The following GPR137 variants were observed in gnomAD, a reference collection of about 807,000 sequenced individuals.
GPR137 encodes the protein G protein-coupled receptor 137, also known as integral membrane protein GPR137.
GPR137 carries 20 observed loss-of-function variants against 38.9 expected under a neutral mutation model. The observed-to-expected ratio is 0.51, with a 90% CI of 0.36 to 0.75. The LOEUF (loss-of-function observed/expected upper bound fraction) is 0.75, where lower values mean the gene tolerates loss of function less well. Among genes scored for constraint, GPR137 ranks in the 30% least tolerant of loss-of-function variants. GPR137 has a pLI of 0.00. For missense variants in GPR137, 456 were observed against 526.4 expected, an observed-to-expected ratio of 0.87 and a Z score of 1.31; for synonymous variants, 226 against 235.8, an observed-to-expected ratio of 0.96 and a Z score of 0.38.
In GPR137 at chr11:64,286,481, G is replaced by A; in HGVS notation, c.-44G>A. 6.4e-7 allele frequency: 1 copy of A among 1,571,906 alleles called. No homozygotes were observed. The highest frequency in any genetic ancestry group is 8.6e-7 in the Non-Finnish European group (1 of 1,156,276). On this transcript the variant is annotated 5_prime_UTR_variant, in exon 1 of 7. Coordinates refer to ENST00000438980, the MANE Select transcript of GPR137 (RefSeq NM_001170880.2). ...ATTTATTTCCCTGGTCCCGCCGACAGTCCCTCCTTGTCTGTCTCCGGGATT... is the reference window on the plus strand; with the variant it reads ...ATTTATTTCCCTGGTCCCGCCGACAATCCCTCCTTGTCTGTCTCCGGGATT...
upstream of GPR137, among the ~76,000 whole-genome samples, chr11:64,281,840 C>A (rs2033498059): frequency 6.6e-6 from 1 of 152,246 alleles, no homozygotes; most frequent in Admixed American, 6.5e-5. Context: ...CCTGCCTCAG[C>A]CTCCCGAGTA....
intron 2 of GPR137, 79 bp downstream of exon 2, chr11:64,287,093 C>T: frequency 1.3e-6 from 2 of 1,546,842 alleles, no homozygotes; most frequent in South Asian, 2.3e-5. Context: ...CTTCCCACCT[C>T]TCAGGGCTGA....
At chr11:64,284,309 C>T (rs2033694419), upstream of GPR137, 3 of 1,612,454 alleles carry the variant, frequency 1.9e-6, no homozygotes, top group Non-Finnish European at 2.5e-6. Flanking sequence ...GGCCCAGGCC[C>T]CTCTCTGCAG....
At chr11:64,285,370 C>T, upstream of GPR137, 1 of 985,000 alleles carries the variant, frequency 1.0e-6, no homozygotes, top group Non-Finnish European at 1.2e-6. Context: ...GCCTGGCAGG[C>T]GGCCGGCCAG....
upstream of GPR137, chr11:64,271,968 G>T (rs1205628509): frequency 4.4e-6 from 2 of 451,900 alleles, no homozygotes; most frequent in Middle Eastern, 5.9e-4. Context: ...GTGAATCGAG[G>T]GGAAGCTCAG....
Position 64,286,792 on chromosome 11 carries a change from C to T in GPR137, c.268C>T (p.Leu90=). Residue 90 remains leucine, a synonymous_variant, in exon 1 of 7, where the codon CTG becomes TTG. Coordinates refer to ENST00000438980, the MANE Select transcript of GPR137 (RefSeq NM_001170880.2). ...YFRDTPRANR[L]GPLPFWLLYC... ...CCGAGATACTCCCCGCGCCAACCGC[C>T]TGGGGCCCTTGCCCTTCTGGCTTCT... 2 of 1,607,942 alleles carry T rather than the reference C, an allele frequency of 1.2e-6. No individual in the cohort carries two copies. Among genetic ancestry groups the T allele is most frequent in the Non-Finnish European group, 1.7e-6 (2 of 1,176,100 alleles).
At chr11:64,275,326 C>A (rs2032979839), upstream of GPR137, among the ~76,000 whole-genome samples, 2 of 152,188 alleles carry the variant, frequency 1.3e-5, no homozygotes, top group African/African-American at 4.8e-5. Flanking sequence ...GGCCTGTCTG[C>A]AGAGTAATTT....
chr11:64,284,699 C>G, upstream of GPR137: 1 of 1,535,124 alleles, frequency 6.5e-7, no homozygotes, highest in Non-Finnish European at 8.7e-7. Flanking sequence ...GCTCCGGGCC[C>G]TAGTTGCTTG....
upstream of GPR137, among the ~76,000 whole-genome samples, chr11:64,280,144 C>T (rs1206585010): frequency 2.1e-4 from 31 of 151,198 alleles, no homozygotes; most frequent in Admixed American, 1.6e-3. Flanking sequence ...GGTGAAACCC[C>T]ATCTCTACTA....
upstream of GPR137, among the ~76,000 whole-genome samples, chr11:64,283,871 G>A (rs2033652283): frequency 6.6e-6 from 1 of 152,168 alleles, no homozygotes; most frequent in South Asian, 2.1e-4. Flanking sequence ...CTGGGCTCAA[G>A]CGATCCTCCT....
At chr11:64,287,265 G>A (rs112059337) in intron 2 of GPR137, 2 of 985,266 alleles carry the variant, frequency 2.0e-6, no homozygotes, top group Non-Finnish European at 2.4e-6. Flanking sequence ...CATGGAGGGC[G>A]AGCTGGAGGC....
At chr11:64,274,301 G>A (rs2032879328), upstream of GPR137, among the ~76,000 whole-genome samples, 1 of 152,030 alleles carries the variant, frequency 6.6e-6, no homozygotes, top group African/African-American at 2.4e-5. Context: ...GCAGGACAAT[G>A]GCGTGAACCC....
upstream of GPR137, chr11:64,271,718 G>A: frequency 6.8e-7 from 1 of 1,461,124 alleles, no homozygotes; most frequent in Non-Finnish European, 9.0e-7. Flanking sequence ...CCCGAAAGGG[G>A]CTGGGCTCCT....
At chr11:64,287,549 G>A (rs1301927339) in intron 2 of GPR137, 172 bp from the exon 3 acceptor site, 3 of 856,540 alleles carry the variant, frequency 3.5e-6, no homozygotes, top group Admixed American at 6.2e-5. Context: ...ATGGCTGTCA[G>A]TCACCTTCTG....
At position 64,276,298 on chromosome 11, in the gene GPR137, T is replaced by TTGTGTGTGTGTG. The variant is rs1555068869; in HGVS notation, c.-89-44_-89-33dup. On this transcript the variant is annotated intron_variant, in intron 1 of 2. Transcript: ENST00000538244. ...TTTATGTGTGTGTGTGTGTATATAT[T>TTGTGTGTGTGTG]TGTGTGTGTGTGTGTGTATATATAT... The TTGTGTGTGTGTG allele has an allele frequency of 6.8e-5, 10 of 146,110 alleles. No homozygotes were observed. The South Asian group carries it at 1.5e-3, about 22-fold the overall frequency. 9.1% of individuals were successfully genotyped at this position (146,110 alleles called of 1,614,324 possible).
intron 1 of GPR137, 31 bp downstream of exon 1, chr11:64,286,912 G>T: frequency 6.6e-7 from 1 of 1,511,294 alleles, no homozygotes; most frequent in Non-Finnish European, 9.2e-7. Context: ...GTGGGGGGCG[G>T]GAGGTGGCAA....
At chr11:64,282,304 T>C (rs1440270667), upstream of GPR137, among the ~76,000 whole-genome samples, 1 of 152,048 alleles carries the variant, frequency 6.6e-6, no homozygotes, top group Non-Finnish European at 1.5e-5. Context: ...CTCAGGAAGT[T>C]AAAGAAAGCT....
chr11:64,280,561 C>T (rs1354444334), upstream of GPR137, among the ~76,000 whole-genome samples: 2 of 150,354 alleles, frequency 1.3e-5, no homozygotes, highest in Non-Finnish European at 3.0e-5. Context: ...CCGTGTTAGC[C>T]AGGATGGTCT....
chr11:64,288,245 G>C lies in GPR137; in HGVS notation c.783+31G>C. On this transcript the variant is annotated intron_variant, in intron 4 of 6. Transcript: ENST00000438980. The surrounding 1 kb of genome is among the most constrained non-coding windows in gnomAD (Gnocchi z 5.5). ...CATACGCATGTCTGCCACCTCCTTA[G>C]TAGCCGTGGCACCTTGGCCCCAGCT... The C allele has an allele frequency of 6.2e-7, 1 of 1,610,344 alleles. No individual in the cohort carries two copies. The highest frequency in any genetic ancestry group is 8.5e-7 in the Non-Finnish European group (1 of 1,177,946).
Sources: allele counts gnomAD v4.1 joint callset (sites outside exome capture counted in the v4.1 genomes callset), GRCh38; gene constraint gnomAD v4.1.1; non-coding constraint Gnocchi (gnomAD v3.1); transcripts MANE v1.5; gene names NCBI Gene and HGNC (gene_info 2026-07-23, HGNC 2026-07-21).